DNAH1: variants seen among roughly 807,000 people sequenced by gnomAD.
DNAH1 encodes the protein dynein axonemal heavy chain 1, also known as axonemal beta dynein heavy chain 1.
A neutral mutation model predicts 484.3 loss-of-function variants in DNAH1; 327 were observed. The observed-to-expected ratio is 0.68, with a 90% confidence interval of 0.62 to 0.74. The LOEUF (loss-of-function observed/expected upper bound fraction) is 0.74. DNAH1 is among the 30% of genes least tolerant of loss of function. The pLI is 0.00. For missense variants in DNAH1, 5,052 were observed against 5,546.8 expected, an observed-to-expected ratio of 0.91 and a Z score of 2.83; for synonymous variants, 2,192 against 2,191.9, an observed-to-expected ratio of 1.00 and a Z score of 0.00.
chr3:52,332,246 G>A lies in DNAH1; in HGVS notation c.1138G>A (p.Ala380Thr), dbSNP rs564408891. ...CGCACAACGTGTGGTCCAGGCCAACGCCCTGCGCAAGAACACGGAAGCACT... is the reference window on the plus strand; with the variant it reads ...CGCACAACGTGTGGTCCAGGCCAACACCCTGCGCAAGAACACGGAAGCACT... ...MFAQRVVQAN[A>T]LRKNTEALLL... is the part of the protein sequence containing the mutation. The change falls in exon 8 of 78, where the codon GCC (alanine) becomes ACC (threonine). Residue 380 changes from alanine (A) to threonine (T), a missense_variant. By Grantham distance (58) the Ala-to-Thr change is moderately conservative. This residue lies in a region of DNAH1 where 1,263 missense variants were observed against 1,218.8 expected (regional missense o/e 1.04). Coordinates refer to ENST00000420323, the MANE Select transcript of DNAH1 (RefSeq NM_015512.5). The A allele has an allele frequency of 6.4e-5, 103 of 1,613,978 alleles. No homozygotes were observed. In the East Asian group the frequency reaches 1.6e-3, roughly 26 times the overall value.
chr3:52,347,372 G>T (rs1037021211), intron 11 of DNAH1, among the ~76,000 whole-genome samples: 4 of 152,146 alleles, frequency 2.6e-5, no homozygotes, highest in African/African-American at 9.7e-5. Context: ...GGGAGAGCTT[G>T]CAGGGACCAG....
chr3:52,372,748 A>G, intron 43 of DNAH1, 148 bp from the exon 44 acceptor site: 1 of 1,063,246 alleles, frequency 9.4e-7, no homozygotes, highest in Non-Finnish European at 1.3e-6. Context: ...CAGAACAAGG[A>G]TGAGGGTGGG....
intron 11 of DNAH1, among the ~76,000 whole-genome samples, chr3:52,347,600 G>T (rs1358301960): frequency 6.6e-6 from 1 of 152,326 alleles, no homozygotes; most frequent in East Asian, 1.9e-4. Context: ...CCTCCCTCTC[G>T]TGTGGTGCTC....
At chr3:52,365,214 C>G (rs1703024640) in intron 34 of DNAH1, among the ~76,000 whole-genome samples, 195 bp downstream of exon 34, 1 of 152,244 alleles carries the variant, frequency 6.6e-6, no homozygotes, top group Non-Finnish European at 1.5e-5. Flanking sequence ...CAAAACCCGC[C>G]TGGTGGTGGG....
intron 2 of DNAH1, 96 bp from the exon 3 acceptor site, chr3:52,323,712 G>A (rs1265203475): frequency 1.2e-6 from 1 of 842,340 alleles, no homozygotes; most frequent in Non-Finnish European, 1.9e-6. Flanking sequence ...CTCCCTGGTG[G>A]GTCTCAAGGG....
At chr3:52,390,583 T>C (rs987996363) in intron 60 of DNAH1, among the ~76,000 whole-genome samples, 1 of 152,162 alleles carries the variant, frequency 6.6e-6, no homozygotes, top group African/African-American at 2.4e-5. Flanking sequence ...ATGGGCTCTA[T>C]GAAGATGGTC....
chr3:52,313,434 C>T (rs1700857200), upstream of DNAH1, among the ~76,000 whole-genome samples: 1 of 152,172 alleles, frequency 6.6e-6, no homozygotes, highest in Non-Finnish European at 1.5e-5. Context: ...GTCTCATGGT[C>T]TTTTCCTTGT....
In DNAH1 at chr3:52,353,953, G is replaced by C. The variant is rs2153224085; in HGVS notation, c.3480+320G>C. ...ATGCCTGTAAATCCCAGCACTTTGG[G>C]AGGATGAGGAGGAAGGATCGCTTGA... On this transcript the variant is annotated intron_variant, in intron 20 of 77. Transcript: ENST00000420323. The surrounding 1 kb of genome is among the most constrained non-coding windows in gnomAD (Gnocchi z 5.0). 3.0e-6 allele frequency: 1 copy of C among 329,858 alleles called. No homozygotes were observed. The highest frequency in any genetic ancestry group is 5.8e-6 in the Non-Finnish European group (1 of 173,122). 20.4% of individuals were successfully genotyped at this position (329,858 alleles called of 1,614,324 possible). A position where few individuals can be genotyped will look rare whatever the true frequency, so the allele number is the denominator to read the frequency against.
At chr3:52,332,062 G>A (rs988705822) in intron 7 of DNAH1, 80 bp from the exon 8 acceptor site, 22 of 1,493,652 alleles carry the variant, frequency 1.5e-5, no homozygotes, top group African/African-American at 1.1e-4. Flanking sequence ...GGGCATCCAC[G>A]GCACAGCCGG....
At chr3:52,397,261 G>T (rs2153225813) in intron 73 of DNAH1, among the ~76,000 whole-genome samples, 1 of 152,340 alleles carries the variant, frequency 6.6e-6, no homozygotes, top group East Asian at 1.9e-4. Context: ...CTCCTGGTCA[G>T]CCACTCCCTG....
At chr3:52,329,460 A>G (rs1231320103) in intron 6 of DNAH1, among the ~76,000 whole-genome samples, 1 of 152,202 alleles carries the variant, frequency 6.6e-6, no homozygotes, top group East Asian at 1.9e-4. Flanking sequence ...GCTGGTGTCA[A>G]CAGGTGGGGA....
chr3:52,336,815 A>G (rs746948921), intron 8 of DNAH1, among the ~76,000 whole-genome samples: 2 of 152,198 alleles, frequency 1.3e-5, no homozygotes, highest in African/African-American at 2.4e-5. Flanking sequence ...TAACAGTACT[A>G]TGGTGTTTTG....
intron 1 of DNAH1, among the ~76,000 whole-genome samples, chr3:52,317,406 C>T (rs191439526): frequency 1.3e-3 from 192 of 152,214 alleles, no homozygotes; most frequent in Non-Finnish European, 2.2e-3. Flanking sequence ...GTGGGTGTGG[C>T]TTTGTGAGCC....
At chr3:52,314,167 C>T (rs191160889), upstream of DNAH1, among the ~76,000 whole-genome samples, 206 of 152,336 alleles carry the variant, frequency 1.4e-3, no homozygotes, top group Non-Finnish European at 2.3e-3. Context: ...CTCCAGCTGA[C>T]GCTCACCAAA....
upstream of DNAH1, among the ~76,000 whole-genome samples, chr3:52,311,348 GAGTTA>G (rs1378463019): frequency 6.6e-6 from 1 of 152,208 alleles, no homozygotes; most frequent in Non-Finnish European, 1.5e-5. Context: ...TTGCACAAAG[GAGTTA>G]AGTTCTGGGT....
chr3:52,388,633 C>T, intron 58 of DNAH1, 24 bp downstream of exon 58: 1 of 1,611,936 alleles, frequency 6.2e-7, no homozygotes, highest in Non-Finnish European at 8.5e-7. Flanking sequence ...TCCTGCAAGG[C>T]CTGCAAGCGG....
chr3:52,334,284 G>T (rs1381571458), intron 8 of DNAH1, among the ~76,000 whole-genome samples: 1 of 152,134 alleles, frequency 6.6e-6, no homozygotes, highest in African/African-American at 2.4e-5. Context: ...CAGTATACAA[G>T]ATAAAACATG....
In DNAH1 at chr3:52,382,416, A is replaced by G. The variant is rs1305313888; in HGVS notation, c.7902A>G (p.Leu2634=). Residue 2634 remains leucine, a synonymous_variant, in exon 50 of 78, where the codon CTA becomes CTG. Transcript: ENST00000420323. ...DVKKVLLKAG[L]QNLPITFLFS... is the part of the protein sequence containing the mutation. ...AGAAGGTCCTGCTCAAGGCGGGCCTACAGAACCTACCCATCACCTTCCTCT... is the reference window on the plus strand; with the variant it reads ...AGAAGGTCCTGCTCAAGGCGGGCCTGCAGAACCTACCCATCACCTTCCTCT... 2 of 1,614,014 alleles carry G rather than the reference A, an allele frequency of 1.2e-6. No individual in the cohort carries two copies. Among genetic ancestry groups the G allele is most frequent in the East Asian group, 2.2e-5 (1 of 44,884 alleles).
In DNAH1 at chr3:52,349,316, A is replaced by G. The variant is rs780597987; in HGVS notation, c.2422A>G (p.Ile808Val). Residue 808 changes from isoleucine (I) to valine (V), a missense_variant, in exon 14 of 78, where the codon ATC becomes GTC. By Grantham distance (29) the Ile-to-Val change is conservative (BLOSUM62 3). Around this residue, in one of 4 missense-constraint regions of DNAH1, gnomAD observed 1,263 missense variants for 1,218.8 expected, o/e 1.04. Transcript: ENST00000420323. ...CAGCATCATCATTGGGCCTTTCTACATCAACACCGACAATGTCAAGCAGAG... is the reference window on the plus strand; with the variant it reads ...CAGCATCATCATTGGGCCTTTCTACGTCAACACCGACAATGTCAAGCAGAG... ...PSSIIIGPFY[I>V]NTDNVKQSLS... 3.3e-5 allele frequency: 53 copies of G among 1,613,984 alleles called. No individual in the cohort carries two copies. Among genetic ancestry groups the G allele is most frequent in the Non-Finnish European group, 4.4e-5 (52 of 1,179,884 alleles).
Sources: allele counts gnomAD v4.1 joint callset (sites outside exome capture counted in the v4.1 genomes callset), GRCh38; gene constraint gnomAD v4.1.1; regional missense constraint gnomAD v4.1.1; non-coding constraint Gnocchi (gnomAD v3.1); transcripts MANE v1.5; gene names NCBI Gene and HGNC (gene_info 2026-07-23, HGNC 2026-07-21).